The following NT5C1B variants were observed in gnomAD, a reference collection of about 807,000 sequenced individuals.
NT5C1B encodes 5'-nucleotidase, cytosolic IB.
NT5C1B carries 44 observed loss-of-function variants against 57.8 expected under a neutral mutation model. The observed-to-expected ratio is 0.76, with a 90% CI of 0.60 to 0.98. The LOEUF (loss-of-function observed/expected upper bound fraction) is 0.98, where lower values mean the gene tolerates loss of function less well. NT5C1B is among the 50% of genes least tolerant of loss of function. The pLI is 0.00. For missense variants in NT5C1B, 742 were observed against 719.5 expected (o/e 1.03, Z -0.36); for synonymous variants, 284 against 282.6 (o/e 1.00, Z -0.05).
chr2:18,584,338 G>C lies in NT5C1B; in HGVS notation c.724-83C>G. The C allele has an allele frequency of 1.9e-6, 3 of 1,565,002 alleles. No individual in the cohort carries two copies. The highest frequency in any genetic ancestry group is 2.6e-6 in the Non-Finnish European group (3 of 1,156,604). On this transcript the variant is annotated intron_variant, in intron 4 of 8. Transcript: ENST00000304081. This position sits in a 1 kb window ranked among gnomAD's most constrained non-coding sequence, Gnocchi z 5.8. ...GGGGCTCCTCCAGGGTAGGGTGAGA[G>C]TAGGACAGCGGGCCCCTGCTTGGAG... is the stretch of plus-strand genomic sequence containing the variant.
At chr2:18,586,708 C>G (rs948983704) in intron 2 of NT5C1B, 14 of 580,220 alleles carry the variant, frequency 2.4e-5, no homozygotes, top group Non-Finnish European at 4.1e-5. Context: ...CTTTTCCTCA[C>G]TTCTTCCCTC....
chr2:18,586,260 A>C lies in NT5C1B; in HGVS notation c.252T>G (p.Ser84Arg), dbSNP rs751170359. Residue 84 changes from serine (S) to arginine (R), a missense_variant, in exon 3 of 9, where the codon AGT (serine) becomes AGG (arginine). Ser to Arg is a moderately radical substitution (Grantham distance 110). Coordinates refer to ENST00000304081, the Ensembl canonical transcript of NT5C1B. ...CTTTCATCTTTACCTCTACCTTAGC[A>C]CTGGTGTTCCTGCTTCTAGGCTCAT... 41 of 1,613,854 alleles carry C rather than the reference A, an allele frequency of 2.5e-5. No individual in the cohort carries two copies. In the Admixed American group the frequency reaches 6.3e-4, roughly 25 times the overall value.
intron 8 of NT5C1B, among the ~76,000 whole-genome samples, chr2:18,566,066 A>C (rs1234653503): frequency 6.6e-6 from 1 of 152,212 alleles, no homozygotes; most frequent in East Asian, 1.9e-4. Flanking sequence ...TTTAAAAGTC[A>C]TGGCAAATGT....
rs201665017 is a variant in NT5C1B at position 18,563,952 on chromosome 2, T to A, written c.1497A>T (p.Ile499=). 16 of 1,614,206 alleles carry A rather than the reference T, an allele frequency of 9.9e-6. No homozygotes were observed. The East Asian group carries it at 3.3e-4, about 34-fold the overall frequency. The change falls in exon 9 of 9, where the codon ATA becomes ATT. Residue 499 remains isoleucine, a synonymous_variant. Transcript: ENST00000304081. ...CTCCAGCAAGGAAAAGAGCTTCGTC[T>A]ATCTCTAGACCCCAGCGTCGAAGGG...
chr2:18,564,218 A>G (rs1179367555), intron 8 of NT5C1B, 99 bp from the exon 9 acceptor site: 3 of 1,314,968 alleles, frequency 2.3e-6, no homozygotes, highest in Non-Finnish European at 2.0e-6. Context: ...TACAAAGGAT[A>G]TAATACAGCA....
chr2:18,587,714 T>G (rs1044515277), intron 1 of NT5C1B, 122 bp from the exon 2 acceptor site: 38 of 1,131,032 alleles, frequency 3.4e-5, no homozygotes, highest in Non-Finnish European at 4.5e-5. Flanking sequence ...TAAAAAGGTA[T>G]AAACTCTAGA....
rs1212966247 is a variant in NT5C1B at position 18,584,981 on chromosome 2, G to A, written c.259-3C>T. On this transcript the variant is annotated splice_polypyrimidine_tract_variant and splice_region_variant and intron_variant, in intron 3 of 8. Coordinates refer to ENST00000304081, the Ensembl canonical transcript of NT5C1B. The surrounding 1 kb of genome is among the most constrained non-coding windows in gnomAD (Gnocchi z 5.8). ...GAGCTCGTGGAGCTGCTGGGGAGCTGCAGCAAGACAATGGGCGTCTGAAGT... is the reference window on the plus strand; with the variant it reads ...GAGCTCGTGGAGCTGCTGGGGAGCTACAGCAAGACAATGGGCGTCTGAAGT... 5 of 1,554,900 alleles carry A rather than the reference G, an allele frequency of 3.2e-6. No individual in the cohort carries two copies. The African/African-American group carries it at 5.4e-5, about 17-fold the overall frequency.
At chr2:18,564,925 C>A (rs62127380) in intron 8 of NT5C1B, among the ~76,000 whole-genome samples, 7,628 of 151,910 alleles carry the variant, frequency 0.05, 257 homozygotes, top group South Asian at 0.098. Context: ...TTTTATAGTA[C>A]CCTCAGTCCT....
At position 18,586,241 on chromosome 2, in the gene NT5C1B, T is replaced by C. The variant is rs1374233108; in HGVS notation, c.258+13A>G. ...TTCTATCATCTACTACTCCCTTTCA[T>C]CTTTACCTCTACCTTAGCACTGGTG... On this transcript the variant is annotated intron_variant, in intron 3 of 8. Coordinates refer to ENST00000304081, the Ensembl canonical transcript of NT5C1B. 2 of 1,612,566 alleles carry C rather than the reference T, an allele frequency of 1.2e-6. No homozygotes were observed. The highest frequency in any genetic ancestry group is 1.7e-6 in the Non-Finnish European group (2 of 1,179,342).
At chr2:18,572,355 CTG>C (rs1665284048) in intron 8 of NT5C1B, among the ~76,000 whole-genome samples, 1 of 152,098 alleles carries the variant, frequency 6.6e-6, no homozygotes, top group African/African-American at 2.4e-5. Flanking sequence ...TATAAAAAGT[CTG>C]GAGATAATCC....
In NT5C1B at chr2:18,584,284, A is replaced by T. The variant is rs1173712039; in HGVS notation, c.724-29T>A. Reference sequence around the variant, plus strand: ...CAGAGAGGGACGCCAAAGGGAGGATAGTCACATAGCCACGAAGAGGACAGG... The same window carrying T: ...CAGAGAGGGACGCCAAAGGGAGGATTGTCACATAGCCACGAAGAGGACAGG... On this transcript the variant is annotated intron_variant, in intron 4 of 8. Coordinates refer to ENST00000304081, the Ensembl canonical transcript of NT5C1B. This position sits in a 1 kb window ranked among gnomAD's most constrained non-coding sequence, Gnocchi z 5.8. 2 of 1,607,556 alleles carry T rather than the reference A, an allele frequency of 1.2e-6. No homozygotes were observed. The highest frequency in any genetic ancestry group is 2.7e-5 in the African/African-American group (2 of 74,926).
chr2:18,587,405 A>G, intron 2 of NT5C1B, 98 bp downstream of exon 2: 1 of 1,556,240 alleles, frequency 6.4e-7, no homozygotes, highest in Non-Finnish European at 8.6e-7. Flanking sequence ...AATTCTCAAC[A>G]GCTTGGTCTT....
chr2:18,579,483 C>T (rs1665991654), intron 6 of NT5C1B, among the ~76,000 whole-genome samples: 1 of 152,100 alleles, frequency 6.6e-6, no homozygotes, highest in African/African-American at 2.4e-5. Context: ...AGAAATAAAG[C>T]CACACACCTA....
At chr2:18,585,164 A>G in intron 3 of NT5C1B, 186 bp from the exon 4 acceptor site, 1 of 828,734 alleles carries the variant, frequency 1.2e-6, no homozygotes, top group South Asian at 1.3e-5. Context: ...TGTTAAACAG[A>G]CACAGAGACT....
In NT5C1B at chr2:18,570,574, G is replaced by A. The variant is rs545336805; in HGVS notation, c.1329+5610C>T. Among the ~76,000 whole-genome samples the A allele has an allele frequency of 1.9e-3, 295 of 152,180 alleles. 1 individual carries two copies. Among genetic ancestry groups the A allele is most frequent in the African/African-American group, 6.6e-3 (273 of 41,548 alleles). On this transcript the variant is annotated intron_variant, in intron 8 of 8. Coordinates refer to ENST00000304081, the Ensembl canonical transcript of NT5C1B. ...GAAAAAGAAAAATGGAAGTTCTATAGCTATCAAAATAATTGAATCAGTAGT... is the reference window on the plus strand; with the variant it reads ...GAAAAAGAAAAATGGAAGTTCTATAACTATCAAAATAATTGAATCAGTAGT...
At chr2:18,573,328 T>C (rs1005856751) in intron 8 of NT5C1B, among the ~76,000 whole-genome samples, 1 of 152,144 alleles carries the variant, frequency 6.6e-6, no homozygotes, top group Non-Finnish European at 1.5e-5. Flanking sequence ...AACGAAACTG[T>C]TGAGTATGTA....
intron 8 of NT5C1B, among the ~76,000 whole-genome samples, chr2:18,569,196 T>C (rs1003294335): frequency 6.6e-6 from 1 of 152,182 alleles, no homozygotes; most frequent in African/African-American, 2.4e-5. Flanking sequence ...TTACTTAAAG[T>C]TGTATATTGT....
In NT5C1B at chr2:18,577,450, C is replaced by G. The variant is rs533948853; in HGVS notation, c.1022-555G>C. ...AAAAAAAAAAAAAAAAAAAAAGGCT[C>G]TATCTCAAAACCATACAATTACATG... On this transcript the variant is annotated intron_variant, in intron 6 of 8. Transcript: ENST00000304081. 6.0e-4 allele frequency among the ~76,000 whole-genome samples: 74 copies of G among 124,044 alleles called. 1 individual carries two copies. The highest frequency in any genetic ancestry group is 9.1e-4 in the Non-Finnish European group (56 of 61,652). The allele number at this position is 124,044 out of a possible 152,430, so 81.4% of individuals were successfully genotyped here.
chr2:18,584,356 G>C lies in NT5C1B; in HGVS notation c.724-101C>G. On this transcript the variant is annotated intron_variant, in intron 4 of 8. Coordinates refer to ENST00000304081, the Ensembl canonical transcript of NT5C1B. This position sits in a 1 kb window ranked among gnomAD's most constrained non-coding sequence, Gnocchi z 5.8. ...GGTGAGAGTAGGACAGCGGGCCCCT[G>C]CTTGGAGAAGCGGGATGCTGGAGAC... is the stretch of plus-strand genomic sequence containing the variant. 1 of 1,547,566 alleles carries C rather than the reference G, an allele frequency of 6.5e-7. No homozygotes were observed.
Sources: allele counts gnomAD v4.1 joint callset (sites outside exome capture counted in the v4.1 genomes callset), GRCh38; gene constraint gnomAD v4.1.1; non-coding constraint Gnocchi (gnomAD v3.1); transcripts MANE v1.5; gene names NCBI Gene and HGNC (gene_info 2026-07-23, HGNC 2026-07-21).